The following KCNIP1 variants were observed in gnomAD, a reference collection of about 807,000 sequenced individuals.
The protein encoded by KCNIP1 is A-type potassium channel modulatory protein KCNIP1.
Under a neutral mutation model 33.0 loss-of-function variants are expected in KCNIP1, and 18 were observed. The observed-to-expected ratio is 0.55, with a 90% CI of 0.38 to 0.81. The LOEUF (loss-of-function observed/expected upper bound fraction) is 0.81. KCNIP1 is among the 30% of genes least tolerant of loss of function. The probability of loss-of-function intolerance (pLI) is 0.00; values close to 1 mark genes in which losing one functional copy is unlikely to be tolerated. For missense variants in KCNIP1, 238 were observed against 271.6 expected (o/e 0.88, Z 0.87); for synonymous variants, 93 against 98.3 (o/e 0.95, Z 0.32).
chr5:170,357,558 T>C (rs1401630250), intron 1 of KCNIP1, among the ~76,000 whole-genome samples: 1 of 152,134 alleles, frequency 6.6e-6, no homozygotes, highest in Non-Finnish European at 1.5e-5. Context: ...TGAGGCAGGG[T>C]CTCATTCTGT....
At chr5:170,544,541 A>G (rs1208939576) in intron 1 of KCNIP1, among the ~76,000 whole-genome samples, 2 of 152,088 alleles carry the variant, frequency 1.3e-5, no homozygotes, top group Admixed American at 6.5e-5. Context: ...TATTTACTAT[A>G]CTTACAGACA....
At chr5:170,668,492 T>C (rs757097520) in intron 1 of KCNIP1, among the ~76,000 whole-genome samples, 9 of 152,214 alleles carry the variant, frequency 5.9e-5, no homozygotes, top group Non-Finnish European at 8.8e-5. Context: ...TCCAGCACCA[T>C]GTCAGCCCTA....
intron 1 of KCNIP1, among the ~76,000 whole-genome samples, chr5:170,432,533 C>T (rs568282868): frequency 7.2e-5 from 11 of 152,118 alleles, no homozygotes; most frequent in Non-Finnish European, 1.6e-4. Context: ...GGCTATGATA[C>T]GAGCCCATAT....
chr5:170,547,213 C>A (rs995737286), intron 1 of KCNIP1, among the ~76,000 whole-genome samples: 13 of 152,306 alleles, frequency 8.5e-5, no homozygotes, highest in African/African-American at 2.9e-4. Context: ...TTACTTTCAT[C>A]TTCTGGAATT....
At chr5:170,470,770 G>A (rs972120045) in intron 1 of KCNIP1, among the ~76,000 whole-genome samples, 7 of 152,244 alleles carry the variant, frequency 4.6e-5, no homozygotes, top group Non-Finnish European at 1.0e-4. Flanking sequence ...TTAAGGAGGT[G>A]AAGTTTTGTC....
rs1441006677 is a variant in KCNIP1 at position 170,441,009 on chromosome 5, G to A, written c.88+87045G>A. 2.0e-5 allele frequency among the ~76,000 whole-genome samples: 3 copies of A among 152,144 alleles called. No individual in the cohort carries two copies. The South Asian group carries it at 6.2e-4, about 31-fold the overall frequency. ...GTCTCTGTTCTTGCTTCCTTCCCTC[G>A]GTCTGCCGTCGCCCTTTGTCAGTGA... On this transcript the variant is annotated intron_variant, in intron 1 of 7. Transcript: ENST00000377360.
intron 1 of KCNIP1, chr5:170,375,587 CCCCTCAGCCCTTCACAGCTGGCTCTGT>C (rs1290589364): frequency 1.3e-3 from 123 of 95,486 alleles, no homozygotes; most frequent in African/African-American, 4.7e-3. Flanking sequence ...GCTGGCTCTG[CCCCTCAGCCCTTCACAGCTGGCTCTGT>C]CCCTCAGCCC....
intron 5 of KCNIP1, among the ~76,000 whole-genome samples, chr5:170,725,315 ACTT>A (rs1186780146): frequency 6.6e-6 from 1 of 152,236 alleles, no homozygotes; most frequent in African/African-American, 2.4e-5. Context: ...AAAATCTGGT[ACTT>A]ATACACAATG....
intron 1 of KCNIP1, among the ~76,000 whole-genome samples, chr5:170,512,321 G>A (rs957440201): frequency 2.6e-5 from 4 of 152,210 alleles, no homozygotes; most frequent in African/African-American, 4.8e-5. Flanking sequence ...CGGTTTACAA[G>A]TGGTTATCAC....
chr5:170,523,921 C>G (rs1175555151), intron 1 of KCNIP1, among the ~76,000 whole-genome samples: 1 of 152,184 alleles, frequency 6.6e-6, no homozygotes, highest in Non-Finnish European at 1.5e-5. Context: ...TCCTTTCCCA[C>G]TCCCTGTGCA....
chr5:170,620,660 A>C (rs866406855), intron 1 of KCNIP1, among the ~76,000 whole-genome samples: 8 of 152,336 alleles, frequency 5.3e-5, no homozygotes, highest in African/African-American at 1.7e-4. Context: ...TATCAGGTTG[A>C]ATTTTTGGAG....
At chr5:170,659,015 C>T (rs1025310911) in intron 1 of KCNIP1, among the ~76,000 whole-genome samples, 3 of 152,092 alleles carry the variant, frequency 2.0e-5, no homozygotes, top group Non-Finnish European at 2.9e-5. Context: ...AGGTTGTCCC[C>T]GGGCCCAGCA....
intron 1 of KCNIP1, among the ~76,000 whole-genome samples, chr5:170,607,648 A>T (rs913200411): frequency 1.1e-4 from 16 of 152,332 alleles, no homozygotes; most frequent in Admixed American, 7.8e-4. Flanking sequence ...CGAAGGGTTC[A>T]TCCCTGCCTC....
At chr5:170,597,744 C>G (rs905725116) in intron 1 of KCNIP1, among the ~76,000 whole-genome samples, 4 of 136,976 alleles carry the variant, frequency 2.9e-5, no homozygotes. Flanking sequence ...GCCACCTCCA[C>G]TTGATTTACA....
chr5:170,504,096 G>C lies in KCNIP1; in HGVS notation c.-477G>C, dbSNP rs1754601046. ...TGTGGCTCCGCGCCGCGCGGTCCGG[G>C]CTCTGTTCATTCATGATTGGTACTC... On this transcript the variant is annotated 5_prime_UTR_variant, in exon 1 of 8. Coordinates refer to ENST00000328939, the MANE Select transcript of KCNIP1 (RefSeq NM_014592.4). The surrounding 1 kb of genome is among the most constrained non-coding windows in gnomAD (Gnocchi z 6.0). The C allele has an allele frequency of 1.0e-6, 1 of 986,312 alleles. No homozygotes were observed. Among genetic ancestry groups the C allele is most frequent in the Admixed American group, 6.2e-5 (1 of 16,244 alleles). The allele number at this position is 986,312 out of a possible 1,614,324, so 61.1% of individuals were successfully genotyped here.
At chr5:170,722,560 A>G (rs1763863907) in intron 4 of KCNIP1, among the ~76,000 whole-genome samples, 153 bp from the exon 5 acceptor site, 1 of 152,020 alleles carries the variant, frequency 6.6e-6, no homozygotes, top group Non-Finnish European at 1.5e-5. Flanking sequence ...TGAAGGCAGG[A>G]GCTCTTCACA....
intron 1 of KCNIP1, among the ~76,000 whole-genome samples, chr5:170,493,619 T>C (rs1239256128): frequency 6.6e-6 from 1 of 152,180 alleles, no homozygotes; most frequent in Non-Finnish European, 1.5e-5. Context: ...GGCACCCTTA[T>C]GAGAGTGAAG....
At position 170,536,155 on chromosome 5, in the gene KCNIP1, G is replaced by T. The variant is rs557285178; in HGVS notation, c.61+31522G>T. ...CAATGGAGATGACGAAACCCAGAGA[G>T]CAGCAGTGCCTTGACCGGGGTCACA... On this transcript the variant is annotated intron_variant, in intron 1 of 7. Coordinates refer to ENST00000328939, the MANE Select transcript of KCNIP1 (RefSeq NM_014592.4). Among the ~76,000 whole-genome samples the T allele has an allele frequency of 5.3e-5, 8 of 152,360 alleles. No homozygotes were observed. The South Asian group carries it at 1.4e-3, about 28-fold the overall frequency.
chr5:170,592,021 A>G (rs978782875), intron 1 of KCNIP1, among the ~76,000 whole-genome samples: 4 of 152,316 alleles, frequency 2.6e-5, no homozygotes, highest in African/African-American at 7.2e-5. Flanking sequence ...AGGAACTGCC[A>G]TATTGTTTTC....
Sources: gnomAD v4.1 joint callset for allele counts (sites outside exome capture counted in the v4.1 genomes callset) on GRCh38, gnomAD v4.1.1 for gene constraint, Gnocchi (gnomAD v3.1) non-coding constraint, MANE v1.5 for transcripts, NCBI Gene and HGNC (gene_info 2026-07-23, HGNC 2026-07-21) for gene names.